DAPK1: variants seen among roughly 807,000 people sequenced by gnomAD.
The protein encoded by DAPK1 is death-associated protein kinase 1.
DAPK1 carries 56 observed loss-of-function variants against 144.9 expected under a neutral mutation model. The observed-to-expected ratio is 0.39, with a 90% confidence interval of 0.31 to 0.48. DAPK1 has a LOEUF of 0.48. DAPK1 is among the 20% of genes least tolerant of loss of function. The pLI, the probability that DAPK1 is intolerant of heterozygous loss-of-function variation, is 0.95. For missense variants in DAPK1, 1,454 were observed against 1,875.4 expected, an observed-to-expected ratio of 0.78 and a Z score of 4.15; for synonymous variants, 690 against 749.0, an observed-to-expected ratio of 0.92 and a Z score of 1.29.
chr9:87,610,472 CTA>C (rs1266103806), intron 3 of DAPK1, among the ~76,000 whole-genome samples: 2 of 152,248 alleles, frequency 1.3e-5, no homozygotes, highest in Non-Finnish European at 2.9e-5. Flanking sequence ...AAAGTCGATG[CTA>C]TTTCTAAAGT....
At chr9:87,588,330 C>T (rs115606356) in intron 2 of DAPK1, among the ~76,000 whole-genome samples, 67 of 152,298 alleles carry the variant, frequency 4.4e-4, no homozygotes, top group African/African-American at 1.3e-3. Context: ...ATAGACACAG[C>T]GGTTCTATTC....
intron 2 of DAPK1, among the ~76,000 whole-genome samples, chr9:87,588,068 G>T (rs1398058135): frequency 1.3e-5 from 2 of 152,218 alleles, no homozygotes; most frequent in Non-Finnish European, 2.9e-5. Flanking sequence ...AGAGGTTGAG[G>T]AACTTGCCCA....
intron 23 of DAPK1, 147 bp from the exon 24 acceptor site, chr9:87,699,970 C>T: frequency 1.5e-6 from 1 of 649,338 alleles, no homozygotes; most frequent in Non-Finnish European, 2.7e-6. Flanking sequence ...AGCCCACCAA[C>T]AGCAGGGATG....
chr9:87,613,481 C>A (rs528901038), intron 3 of DAPK1, among the ~76,000 whole-genome samples: 10 of 152,210 alleles, frequency 6.6e-5, no homozygotes, highest in Non-Finnish European at 1.5e-4. Context: ...TATGTAGGAT[C>A]ACGGTTCAGT....
At chr9:87,581,064 T>C (rs542490863) in intron 2 of DAPK1, among the ~76,000 whole-genome samples, 2 of 152,204 alleles carry the variant, frequency 1.3e-5, no homozygotes, top group African/African-American at 4.8e-5. Flanking sequence ...GCGTAACTTA[T>C]CTGAGTTCTC....
chr9:87,562,610 A>C (rs1826969856), intron 2 of DAPK1, among the ~76,000 whole-genome samples: 1 of 152,356 alleles, frequency 6.6e-6, no homozygotes, highest in East Asian at 1.9e-4. Flanking sequence ...ATTTTTATAG[A>C]AAAGAGTATT....
chr9:87,584,886 A>G (rs1212574633), intron 2 of DAPK1, among the ~76,000 whole-genome samples: 1 of 152,160 alleles, frequency 6.6e-6, no homozygotes, highest in African/African-American at 2.4e-5. Context: ...CATGTTAGCT[A>G]GGCTGGCCTC....
chr9:87,620,990 G>T (rs1461268768), intron 3 of DAPK1, among the ~76,000 whole-genome samples: 1 of 152,186 alleles, frequency 6.6e-6, no homozygotes, highest in Non-Finnish European at 1.5e-5. Context: ...ATGTGCTGCG[G>T]CCACTCTGGC....
chr9:87,589,813 T>C (rs1012971926), intron 2 of DAPK1, among the ~76,000 whole-genome samples: 8 of 152,138 alleles, frequency 5.3e-5, no homozygotes, highest in African/African-American at 1.9e-4. Flanking sequence ...GGCCAGGATG[T>C]CCTGAAAAAT....
At chr9:87,529,961 G>A (rs1446608794) in intron 2 of DAPK1, among the ~76,000 whole-genome samples, 1 of 152,116 alleles carries the variant, frequency 6.6e-6, no homozygotes, top group East Asian at 1.9e-4. Context: ...CCCTAATGCC[G>A]CCCGCCCAAG....
In DAPK1 at chr9:87,671,883, C is replaced by T. The variant is rs566365336; in HGVS notation, c.2001+3209C>T. On this transcript the variant is annotated intron_variant, in intron 19 of 25. Coordinates refer to ENST00000408954, the MANE Select transcript of DAPK1 (RefSeq NM_004938.4). ...TAGCACCCAGAGTCCAGTGAAAAGT[C>T]CCCCCTCATCTTTATGTAGAAGCAA... 2.0e-5 allele frequency among the ~76,000 whole-genome samples: 3 copies of T among 152,184 alleles called. No individual in the cohort carries two copies. In the East Asian group the frequency reaches 5.8e-4, roughly 29 times the overall value.
At chr9:87,615,111 G>A (rs936747652) in intron 3 of DAPK1, among the ~76,000 whole-genome samples, 2 of 152,224 alleles carry the variant, frequency 1.3e-5, no homozygotes, top group Admixed American at 6.5e-5. Context: ...GCCCCTCAGA[G>A]CATCCCCTTC....
intron 2 of DAPK1, among the ~76,000 whole-genome samples, chr9:87,510,973 G>C (rs1033062996): frequency 4.6e-5 from 7 of 152,334 alleles, no homozygotes; most frequent in South Asian, 2.1e-4. Context: ...TAACAAGACA[G>C]AGCAGGAACG....
At chr9:87,687,331 C>T (rs1418523719) in intron 21 of DAPK1, among the ~76,000 whole-genome samples, 3 of 152,144 alleles carry the variant, frequency 2.0e-5, no homozygotes, top group Admixed American at 6.5e-5. Context: ...CATTCTACTC[C>T]CTACCTCCAT....
intron 19 of DAPK1, among the ~76,000 whole-genome samples, chr9:87,680,651 ACGCG>A (rs995783643): frequency 7.1e-4 from 81 of 114,548 alleles, no homozygotes; most frequent in Admixed American, 1.8e-3. Flanking sequence ...ACACACACAC[ACGCG>A]CACACACACA....
chr9:87,563,609 T>G lies in DAPK1; in HGVS notation c.63-41345T>G, dbSNP rs185029677. Among the ~76,000 whole-genome samples, 1,213 of 152,308 alleles carry G rather than the reference T, an allele frequency of 8.0e-3. 6 individuals are homozygous for G. Among genetic ancestry groups the G allele is most frequent in the Non-Finnish European group, 0.013 (884 of 68,028 alleles). ...GGGACACTTTGCTTTTATGTAAAGA[T>G]GCTCTGTCAAGCCTCCTGGAGGATA... On this transcript the variant is annotated intron_variant, in intron 2 of 25. Transcript: ENST00000408954.
At chr9:87,656,859 A>G (rs180749676) in intron 17 of DAPK1, among the ~76,000 whole-genome samples, 1 of 152,216 alleles carries the variant, frequency 6.6e-6, no homozygotes, top group African/African-American at 2.4e-5. Context: ...GGATTCATAG[A>G]TAAGAGCTTG....
At chr9:87,621,430 C>T (rs1406291566) in intron 3 of DAPK1, among the ~76,000 whole-genome samples, 1 of 152,212 alleles carries the variant, frequency 6.6e-6, no homozygotes, top group Non-Finnish European at 1.5e-5. Flanking sequence ...CCACCTAGTC[C>T]AGATTTCCTC....
At chr9:87,555,755 G>A (rs981402381) in intron 2 of DAPK1, among the ~76,000 whole-genome samples, 6 of 152,166 alleles carry the variant, frequency 3.9e-5, no homozygotes, top group Non-Finnish European at 5.9e-5. Context: ...TGCCTGCCTT[G>A]GCCTCCCAAA....
Sources: gnomAD v4.1 joint callset for allele counts (sites outside exome capture counted in the v4.1 genomes callset) on GRCh38, gnomAD v4.1.1 for gene constraint, MANE v1.5 for transcripts, NCBI Gene and HGNC (gene_info 2026-07-23, HGNC 2026-07-21) for gene names.